RELB: variants seen among roughly 807,000 people sequenced by gnomAD.
RELB encodes the protein RELB proto-oncogene, NF-kB subunit, also known as transcription factor RelB.
In RELB, 14 loss-of-function variants were observed where a neutral mutation model predicts 55.4. That is an observed-to-expected ratio of 0.25 (90% CI 0.17 to 0.40). RELB has a LOEUF of 0.40. RELB is among the 10% of genes least tolerant of loss of function. The pLI is 1.00. For missense variants in RELB, 669 were observed against 830.7 expected (o/e 0.81, Z 2.39); for synonymous variants, 409 against 371.3 (o/e 1.10, Z -1.17).
intron 7 of RELB, among the ~76,000 whole-genome samples, chr19:45,026,616 C>T (rs1167347606): frequency 6.6e-6 from 1 of 152,080 alleles, no homozygotes; most frequent in Admixed American, 6.6e-5. Flanking sequence ...ATCTGTACAA[C>T]TATACCAGGC....
intron 2 of RELB, 151 bp downstream of exon 2, chr19:45,003,147 C>T (rs548637456): frequency 2.9e-5 from 22 of 750,746 alleles, no homozygotes; most frequent in South Asian, 2.6e-4. Flanking sequence ...AGATGGGCCC[C>T]CTAGGTTTTC....
Position 45,013,128 on chromosome 19 carries a change from A to G in RELB, c.504+852A>G, listed in dbSNP as rs184530718. 4.9e-4 allele frequency among the ~76,000 whole-genome samples: 75 copies of G among 152,048 alleles called. No homozygotes were observed. In the East Asian group the frequency reaches 0.012, roughly 25 times the overall value. ...ATTACTTTTGGCAGGGTATTAATGT[A>G]TTAATAAGGTACAGGTAAGTTTTAT... On this transcript the variant is annotated intron_variant, in intron 4 of 11. Transcript: ENST00000221452.
chr19:45,016,216 C>T (rs1418853650), intron 4 of RELB, among the ~76,000 whole-genome samples: 5 of 151,906 alleles, frequency 3.3e-5, no homozygotes, highest in Non-Finnish European at 7.4e-5. Context: ...AACTCCTGAC[C>T]TCAAGTGATC....
chr19:45,022,162 A>T lies in RELB; in HGVS notation c.614A>T (p.Asp205Val). The change falls in exon 5 of 12, where the codon GAC becomes GTC. Residue 205 changes from aspartate to valine, a missense_variant. Physicochemically the swap from Asp to Val is radical, Grantham distance 152. Coordinates refer to ENST00000221452, the MANE Select transcript of RELB (RefSeq NM_006509.4). ...PHSLVGKDCT[D>V]GICRVRLRPH... ...AGCCTCGTGGGGAAAGACTGCACCG[A>T]CGGCATCTGCAGGGTGCGGCTCCGG... 2 of 1,612,270 alleles carry T rather than the reference A, an allele frequency of 1.2e-6. No homozygotes were observed. The highest frequency in any genetic ancestry group is 1.7e-6 in the Non-Finnish European group (2 of 1,179,694).
intron 8 of RELB, among the ~76,000 whole-genome samples, chr19:45,031,382 C>T (rs914087625): frequency 2.0e-5 from 3 of 152,068 alleles, no homozygotes; most frequent in Non-Finnish European, 2.9e-5. Flanking sequence ...GCTTTAGCCT[C>T]CCAAAGGGCT....
At chr19:45,003,574 T>C (rs1245541429) in intron 2 of RELB, 1 of 516,982 alleles carries the variant, frequency 1.9e-6, no homozygotes, top group African/African-American at 1.9e-5. Context: ...TAGTAGAAGG[T>C]AATCACTGCC....
intron 1 of RELB, 112 bp from the exon 2 acceptor site, chr19:45,002,837 C>T: frequency 1.2e-6 from 1 of 828,122 alleles, no homozygotes; most frequent in Non-Finnish European, 1.9e-6. Context: ...GGGCGAGGGG[C>T]CTGATCCAGA....
chr19:45,006,060 A>G (rs1971278313), intron 2 of RELB, among the ~76,000 whole-genome samples: 1 of 152,230 alleles, frequency 6.6e-6, no homozygotes. Context: ...GGGGTTCCCT[A>G]CCTAGATGAG....
Position 45,025,616 on chromosome 19 carries a change from G to A in RELB, c.765G>A (p.Leu255=). 6.2e-7 allele frequency: 1 copy of A among 1,613,904 alleles called. No homozygotes were observed. Among genetic ancestry groups the A allele is most frequent in the Non-Finnish European group, 8.5e-7 (1 of 1,179,892 alleles). Residue 255 remains leucine, a synonymous_variant, in exon 7 of 12, where the codon CTG becomes CTA. Coordinates refer to ENST00000221452, the MANE Select transcript of RELB (RefSeq NM_006509.4). ...LGIDPYNAGS[L]KNHQEVDMNV... ...TATCTCCCCCGACAGCTGGGTCCCT[G>A]AAGAACCATCAGGAAGTAGACATGA... is the stretch of plus-strand genomic sequence containing the variant.
intron 7 of RELB, 126 bp from the exon 8 acceptor site, chr19:45,028,762 C>A: frequency 1.5e-6 from 1 of 679,072 alleles, no homozygotes; most frequent in Non-Finnish European, 2.6e-6. Flanking sequence ...ATCAGATGCC[C>A]TGCCTTTTCA....
intron 3 of RELB, among the ~76,000 whole-genome samples, 186 bp downstream of exon 3, chr19:45,010,008 A>C (rs975013456): frequency 2.6e-5 from 4 of 151,932 alleles, no homozygotes; most frequent in African/African-American, 9.7e-5. Context: ...CTTGGAAAAC[A>C]CTCAGCACGC....
chr19:45,025,675 G>C lies in RELB; in HGVS notation c.824G>C (p.Arg275Pro). Residue 275 changes from arginine to proline, a missense_variant, in exon 7 of 12, where the codon CGG becomes CCG. Transcript: ENST00000221452. The stretch of plus-strand genomic sequence containing the variant: ...AGGATCTGCTTCCAGGCCTCATATC[G>C]GGACCAGCAGGGACAGATGCGCCGG... ...VVRICFQASY[R>P]DQQGQMRRMD... 1 of 1,613,958 alleles carries C rather than the reference G, an allele frequency of 6.2e-7. No individual in the cohort carries two copies.
intron 8 of RELB, 95 bp from the exon 9 acceptor site, chr19:45,032,439 G>A (rs1021515683): frequency 9.7e-7 from 1 of 1,031,370 alleles, no homozygotes; most frequent in African/African-American, 1.6e-5. Flanking sequence ...TTAAAAAGGG[G>A]GAATATTAGT....
Position 45,032,655 on chromosome 19 carries a change from T to C in RELB, c.1113T>C (p.Ile371=), listed in dbSNP as rs1971638541. The C allele has an allele frequency of 1.2e-6, 2 of 1,612,486 alleles. No homozygotes were observed. The highest frequency in any genetic ancestry group is 8.5e-7 in the Non-Finnish European group (1 of 1,179,358). Residue 371 remains isoleucine (I), a synonymous_variant, in exon 9 of 12, where the codon ATT becomes ATC. Coordinates refer to ENST00000221452, the MANE Select transcript of RELB (RefSeq NM_006509.4). Reference sequence around the variant, plus strand: ...CGCCGCCCTACGAGGACCTGGAGATTGTCGAGCCCGTGACAGTCAACGTCT... The same window carrying C: ...CGCCGCCCTACGAGGACCTGGAGATCGTCGAGCCCGTGACAGTCAACGTCT... ...FKTPPYEDLE[I]VEPVTVNVFL...
At chr19:45,027,467 G>A (rs112793227) in intron 7 of RELB, among the ~76,000 whole-genome samples, 3 of 151,864 alleles carry the variant, frequency 2.0e-5, no homozygotes, top group Non-Finnish European at 4.4e-5. Flanking sequence ...ACCTCTCCCC[G>A]ACTCCCAAAG....
chr19:45,004,503 C>T lies in RELB; in HGVS notation c.154+1507C>T, dbSNP rs189219306. Among the ~76,000 whole-genome samples the T allele has an allele frequency of 3.8e-3, 555 of 144,776 alleles. 3 individuals are homozygous for T. Among genetic ancestry groups the T allele is most frequent in the African/African-American group, 0.013 (506 of 39,224 alleles). The allele number at this position is 144,776 out of a possible 152,430, so 95.0% of individuals were successfully genotyped here. A position where few individuals can be genotyped will look rare whatever the true frequency, so the allele number is the denominator to read the frequency against. ...CCTCCCAAAGTGCTGGGATTACAGG[C>T]GCGAGCCACCGTGCCTGGCCAGACA... is the stretch of plus-strand genomic sequence containing the variant. On this transcript the variant is annotated intron_variant, in intron 2 of 11. Coordinates refer to ENST00000221452, the MANE Select transcript of RELB (RefSeq NM_006509.4).
At position 45,025,358 on chromosome 19, in the gene RELB, GGAA is replaced by G. The variant is rs1971545288; in HGVS notation, c.697_699del (p.Lys233del). 1.2e-6 allele frequency: 2 copies of G among 1,612,572 alleles called. No individual in the cohort carries two copies. The highest frequency in any genetic ancestry group is 8.5e-7 in the Non-Finnish European group (1 of 1,179,454). On this transcript the variant is annotated inframe_deletion, in exon 6 of 12. Transcript: ENST00000221452. ...AACAACCTGGGCATCCAGTGTGTGA[GGAA>G]GAAGGAGATTGAGGCTGCCATTGAG...
chr19:45,019,905 G>A (rs146964230), intron 4 of RELB, among the ~76,000 whole-genome samples: 6 of 150,530 alleles, frequency 4.0e-5, no homozygotes, highest in Non-Finnish European at 1.5e-5. Flanking sequence ...TCAAACTCCC[G>A]ACCTCAGTTG....
intron 2 of RELB, among the ~76,000 whole-genome samples, chr19:45,004,951 C>T (rs539103002): frequency 6.6e-6 from 1 of 152,064 alleles, no homozygotes; most frequent in East Asian, 1.9e-4. Flanking sequence ...AGGCAGATCA[C>T]AAGGTCAGGA....
Sources: allele counts gnomAD v4.1 joint callset (sites outside exome capture counted in the v4.1 genomes callset), GRCh38; gene constraint gnomAD v4.1.1; transcripts MANE v1.5; gene names NCBI Gene and HGNC (gene_info 2026-07-23, HGNC 2026-07-21).